CLVS1: variants seen among roughly 807,000 people sequenced by gnomAD.
CLVS1 encodes clavesin 1, also known as clavesin-1.
Under a neutral mutation model 33.1 loss-of-function variants are expected in CLVS1, and 10 were observed. The observed-to-expected ratio is 0.30, with a 90% CI of 0.19 to 0.51. CLVS1 has a LOEUF of 0.51. Among genes scored for constraint, CLVS1 ranks in the 20% least tolerant of loss-of-function variants. The pLI is 0.97. For synonymous variants in CLVS1, 163 were observed against 166.1 expected, an observed-to-expected ratio of 0.98 and a Z score of 0.14; for missense variants, 343 against 433.4, an observed-to-expected ratio of 0.79 and a Z score of 1.85.
intron 2 of CLVS1, among the ~76,000 whole-genome samples, chr8:61,159,426 G>A (rs1346484210): frequency 1.3e-5 from 2 of 152,228 alleles, no homozygotes; most frequent in Non-Finnish European, 1.5e-5. Context: ...AAAGGATGCT[G>A]AAGTGGATTG....
rs1805015223 is a variant in CLVS1, at chr8:61,081,240, CT to C, written c.-243+24011del. Among the ~76,000 whole-genome samples the C allele has an allele frequency of 3.3e-5, 5 of 152,264 alleles. No individual in the cohort carries two copies. The South Asian group carries it at 1.0e-3, about 32-fold the overall frequency. The stretch of plus-strand genomic sequence containing the variant: ...CTGCAGAGAGCTGATAGAGTGCCCT[CT>C]GAAGAAGAGAGAGCAGAAGGAATGA... On this transcript the variant is annotated intron_variant, in intron 1 of 2. Transcript: ENST00000522621.
the CLVS1 span, among the ~76,000 whole-genome samples, chr8:61,046,235 T>G: frequency 6.8e-6 from 1 of 148,026 alleles, no homozygotes; most frequent in African/African-American, 2.6e-5. Context: ...GCACCATTTA[T>G]TAAATAGGGA....
intron 1 of CLVS1, among the ~76,000 whole-genome samples, chr8:61,299,144 C>A (rs572094375): frequency 6.6e-6 from 1 of 151,954 alleles, no homozygotes; most frequent in Non-Finnish European, 1.5e-5. Context: ...TGAACACTGG[C>A]GGGGTTAAAA....
chr8:61,055,683 TTGTTCTTC>T (rs2129276804), upstream of CLVS1, among the ~76,000 whole-genome samples: 1 of 152,322 alleles, frequency 6.6e-6, no homozygotes, highest in East Asian at 1.9e-4. Flanking sequence ...GAGAGTGGTT[TTGTTCTTC>T]TGGCTGTTGT....
At chr8:61,286,223 TGTC>T (rs1440479961), upstream of CLVS1, among the ~76,000 whole-genome samples, 1 of 152,154 alleles carries the variant, frequency 6.6e-6, no homozygotes, top group Non-Finnish European at 1.5e-5. Context: ...AGTAAGGAAT[TGTC>T]ATAGCCCATG....
chr8:61,329,219 C>G (rs1445326244), intron 2 of CLVS1, among the ~76,000 whole-genome samples: 2 of 151,944 alleles, frequency 1.3e-5, no homozygotes, highest in Non-Finnish European at 2.9e-5. Flanking sequence ...CTCTCTCTCT[C>G]TCTCTCTCTC....
At chr8:61,160,702 C>G (rs1806735210) in intron 2 of CLVS1, among the ~76,000 whole-genome samples, 1 of 151,972 alleles carries the variant, frequency 6.6e-6, no homozygotes, top group African/African-American at 2.4e-5. Context: ...ATTTACTTTT[C>G]AGCAGGGATT....
At chr8:61,360,295 T>G (rs1812921876) in intron 2 of CLVS1, among the ~76,000 whole-genome samples, 2 of 151,782 alleles carry the variant, frequency 1.3e-5, no homozygotes, top group Admixed American at 1.3e-4. Flanking sequence ...TAAAGCAGGG[T>G]TTTATTTGGG....
At chr8:61,306,361 T>C (rs2129595133) in intron 2 of CLVS1, among the ~76,000 whole-genome samples, 1 of 152,358 alleles carries the variant, frequency 6.6e-6, no homozygotes, top group Non-Finnish European at 1.5e-5. Context: ...GTTCATGTTC[T>C]TGCCCACTTT....
intron 2 of CLVS1, among the ~76,000 whole-genome samples, chr8:61,232,095 C>T (rs1808458795): frequency 7.7e-6 from 1 of 129,918 alleles, no homozygotes. Flanking sequence ...AATGTAGTGG[C>T]ATGATCTTGG....
chr8:61,234,925 C>T lies in CLVS1; in HGVS notation c.-151-64752C>T, dbSNP rs537476564. On this transcript the variant is annotated intron_variant, in intron 2 of 2. Coordinates refer to the CLVS1 transcript ENST00000522621. ...GGTTAGCTTCTACCCTGCATCTCTACGGAGCAGGCTGTCTTCTTTGTATGG... is the reference window on the plus strand; with the variant it reads ...GGTTAGCTTCTACCCTGCATCTCTATGGAGCAGGCTGTCTTCTTTGTATGG... Among the ~76,000 whole-genome samples the T allele has an allele frequency of 5.5e-4, 83 of 152,262 alleles. No individual in the cohort carries two copies. In the Middle Eastern group the frequency reaches 0.014, roughly 25 times the overall value.
chr8:61,139,637 A>C (rs1450609362), intron 2 of CLVS1, among the ~76,000 whole-genome samples: 3 of 151,300 alleles, frequency 2.0e-5, no homozygotes, highest in Non-Finnish European at 4.4e-5. Flanking sequence ...GCCAGGTGGA[A>C]GGCGACATCC....
intron 4 of CLVS1, among the ~76,000 whole-genome samples, chr8:61,456,917 C>CA (rs764079859): frequency 0.088 from 10,874 of 124,110 alleles, 697 homozygotes; most frequent in African/African-American, 0.19. Flanking sequence ...GACTCCGTCT[C>CA]AAAAAAAAAA....
chr8:61,078,368 T>C (rs1286757102), intron 1 of CLVS1, among the ~76,000 whole-genome samples: 1 of 152,006 alleles, frequency 6.6e-6, no homozygotes, highest in Non-Finnish European at 1.5e-5. Context: ...CTACTTAGAG[T>C]GTGTGTTTGT....
intron 3 of CLVS1, among the ~76,000 whole-genome samples, chr8:61,416,798 T>C (rs1815457103): frequency 6.6e-6 from 1 of 152,160 alleles, no homozygotes; most frequent in South Asian, 2.1e-4. Flanking sequence ...GCTCCACTTT[T>C]CTTTGATTAT....
chr8:61,209,933 A>G (rs1807938125), intron 2 of CLVS1, among the ~76,000 whole-genome samples: 1 of 152,256 alleles, frequency 6.6e-6, no homozygotes, highest in Admixed American at 6.5e-5. Flanking sequence ...ATTTGATTAC[A>G]CTAAAGGTAT....
intron 3 of CLVS1, among the ~76,000 whole-genome samples, chr8:61,379,622 C>T (rs1429959662): frequency 2.6e-5 from 4 of 152,130 alleles, no homozygotes; most frequent in Non-Finnish European, 4.4e-5. Flanking sequence ...AATTGCTACA[C>T]GTTGGGTTGT....
rs201756703 is a variant in CLVS1, at chr8:61,390,331, AT to A, written c.630+13554del. ...TAGTTATATGATCATGTATTAACCA[AT>A]TCCCAACTGTTGAATGTTTAGATTG... On this transcript the variant is annotated intron_variant, in intron 3 of 5. Transcript: ENST00000325897. Among the ~76,000 whole-genome samples, 1,253 of 152,324 alleles carry A rather than the reference AT, an allele frequency of 8.2e-3. 29 individuals carry two copies. The highest frequency in any genetic ancestry group is 0.028 in the African/African-American group (1,163 of 41,572).
chr8:61,339,220 G>A (rs1811922882), intron 2 of CLVS1, among the ~76,000 whole-genome samples: 3 of 152,090 alleles, frequency 2.0e-5, no homozygotes, highest in South Asian at 4.1e-4. Flanking sequence ...GGAGAAGCAT[G>A]GTGGTCGAGT....
Sources: allele counts gnomAD v4.1 joint callset (sites outside exome capture counted in the v4.1 genomes callset), GRCh38; gene constraint gnomAD v4.1.1; transcripts MANE v1.5; gene names NCBI Gene and HGNC (gene_info 2026-07-23, HGNC 2026-07-21).